Variants in PCDHGA1 observed in about 807,000 individuals in gnomAD.
PCDHGA1 encodes protocadherin gamma-A1.
In PCDHGA1, 32 loss-of-function variants were observed where a neutral mutation model predicts 58.0. The ratio of observed to expected loss-of-function variants is 0.55; its 90% CI spans 0.42 to 0.74. The LOEUF is 0.74. Among genes scored for constraint, PCDHGA1 ranks in the 30% least tolerant of loss-of-function variants. PCDHGA1 has a pLI of 0.00. For synonymous variants in PCDHGA1, 498 were observed against 501.1 expected, an observed-to-expected ratio of 0.99 and a Z score of 0.08; for missense variants, 1,205 against 1,182.3, an observed-to-expected ratio of 1.02 and a Z score of -0.28.
At chr5:141,370,622 C>G in intron 1 of PCDHGA1, 1 of 1,613,902 alleles carries the variant, frequency 6.2e-7, no homozygotes, top group South Asian at 1.1e-5. Context: ...AATTCTTTAC[C>G]GTGAGCCCCG....
intron 1 of PCDHGA1, among the ~76,000 whole-genome samples, chr5:141,363,263 C>G (rs933065042): frequency 5.9e-5 from 9 of 152,160 alleles, no homozygotes; most frequent in African/African-American, 2.2e-4. Flanking sequence ...TTACTTAAAA[C>G]TTTGCTTTTG....
chr5:141,466,020 G>A (rs973577698), intron 1 of PCDHGA1, among the ~76,000 whole-genome samples: 2 of 151,974 alleles, frequency 1.3e-5, no homozygotes, highest in South Asian at 4.1e-4. Context: ...TACTCGGGAG[G>A]GTGAGGCAGG....
intron 2 of PCDHGA1, among the ~76,000 whole-genome samples, chr5:141,496,467 TC>T (rs1289225541): frequency 1.3e-5 from 2 of 152,176 alleles, no homozygotes; most frequent in Admixed American, 1.3e-4. Flanking sequence ...GAGTTATCTT[TC>T]CCCCATCCTG....
intron 1 of PCDHGA1, among the ~76,000 whole-genome samples, chr5:141,463,618 T>G (rs2099065558): frequency 6.6e-6 from 1 of 151,792 alleles, no homozygotes; most frequent in African/African-American, 2.4e-5. Context: ...CCGGCTAATT[T>G]TTTGTATTTT....
intron 2 of PCDHGA1, among the ~76,000 whole-genome samples, chr5:141,498,352 CA>C: frequency 6.6e-6 from 1 of 151,890 alleles, no homozygotes; most frequent in African/African-American, 2.4e-5. Flanking sequence ...AAAGCCTATG[CA>C]AAAGCCTTGT....
chr5:141,467,625 T>C (rs1407031447), intron 1 of PCDHGA1, among the ~76,000 whole-genome samples: 1 of 152,202 alleles, frequency 6.6e-6, no homozygotes, highest in African/African-American at 2.4e-5. Flanking sequence ...TGATTTGAGA[T>C]AGCATCTTTA....
chr5:141,349,975 A>G (rs1235992269), intron 1 of PCDHGA1: 1 of 290,620 alleles, frequency 3.4e-6, no homozygotes, highest in Non-Finnish European at 6.3e-6. Context: ...ACATAGATTC[A>G]AGAGGTTGCG....
chr5:141,491,954 C>CA lies in PCDHGA1; in HGVS notation c.2422-2847dup. 1 of 1,032,920 alleles carries CA rather than the reference C, an allele frequency of 9.7e-7. No homozygotes were observed. Among genetic ancestry groups the CA allele is most frequent in the Non-Finnish European group, 1.3e-6 (1 of 747,262 alleles). 64.0% of individuals were successfully genotyped at this position (1,032,920 alleles called of 1,614,324 possible). A position where few individuals can be genotyped will look rare whatever the true frequency, so the allele number is the denominator to read the frequency against. ...TGGGACCGACCCCCACCCCTACACTCAAAAAAGGCCGGGGCCTCCTTCGAG... is the reference window on the plus strand; with the variant it reads ...TGGGACCGACCCCCACCCCTACACTCAAAAAAAGGCCGGGGCCTCCTTCGAG... On this transcript the variant is annotated intron_variant, in intron 1 of 3. Coordinates refer to ENST00000517417, the MANE Select transcript of PCDHGA1 (RefSeq NM_018912.3). This position sits in a 1 kb window ranked among gnomAD's most constrained non-coding sequence, Gnocchi z 6.9.
At chr5:141,473,033 G>GGAAA (rs1282468299) in intron 1 of PCDHGA1, among the ~76,000 whole-genome samples, 1 of 146,284 alleles carries the variant, frequency 6.8e-6, no homozygotes, top group African/African-American at 2.5e-5. Flanking sequence ...AAGGAAGGAA[G>GGAAA]GAAAGAAAGA....
chr5:141,414,078 T>C lies in PCDHGA1; in HGVS notation c.2422-80729T>C, dbSNP rs777190406. 3.1e-6 allele frequency: 5 copies of C among 1,603,326 alleles called. No individual in the cohort carries two copies. In the South Asian group the frequency reaches 4.5e-5, roughly 14 times the overall value. ...TGTTGAAGTTCCAACTAAACAAATA[T>C]ACTGGAGAAATAAAAATATCAGAAA... On this transcript the variant is annotated intron_variant, in intron 1 of 3. Transcript: ENST00000517417.
At chr5:141,361,167 A>C in intron 1 of PCDHGA1, 1 of 1,613,990 alleles carries the variant, frequency 6.2e-7, no homozygotes, top group South Asian at 1.1e-5. Context: ...ACGATTGTGC[A>C]CCTGAAGTTA....
At chr5:141,502,866 C>CTTTTTTTTTTTTTTTT (rs549047197) in intron 2 of PCDHGA1, among the ~76,000 whole-genome samples, 4 of 128,044 alleles carry the variant, frequency 3.1e-5, no homozygotes, top group African/African-American at 3.1e-5. Context: ...GACTCTCTGT[C>CTTTTTTTTTTTTTTTT]TTTTTTTTTT....
intron 1 of PCDHGA1, chr5:141,365,243 C>T: frequency 6.2e-7 from 1 of 1,613,982 alleles, no homozygotes; most frequent in Non-Finnish European, 8.5e-7. Context: ...CTCAACTCTA[C>T]AATCACTGGA....
rs188768340 is a variant in PCDHGA1, at chr5:141,382,953, C to G, written c.2421+49848C>G. On this transcript the variant is annotated intron_variant, in intron 1 of 3. Transcript: ENST00000517417. ...ACAGAGGATTCTTCCTGCTCTCCAT[C>G]CTCCTGGGGACCCCCTGGGAAGCCT... 1,258 of 1,601,498 alleles carry G rather than the reference C, an allele frequency of 7.9e-4. 16 individuals carry two copies. In the African/African-American group the frequency reaches 0.015, roughly 19 times the overall value.
intron 1 of PCDHGA1, chr5:141,398,674 A>T: frequency 6.2e-7 from 1 of 1,614,010 alleles, no homozygotes; most frequent in Non-Finnish European, 8.5e-7. Context: ...ATTAATAATT[A>T]AGGAGAAACA....
At position 141,476,321 on chromosome 5, in the gene PCDHGA1, G is replaced by A; in HGVS notation, c.2422-18486G>A. 1 of 1,614,196 alleles carries A rather than the reference G, an allele frequency of 6.2e-7. No homozygotes were observed. The highest frequency in any genetic ancestry group is 1.3e-5 in the African/African-American group (1 of 75,054). ...CCTCTCAGCCCGCAGGTTCCGGGTG[G>A]TGTCTGGAGCTAGCCGAAGATTCTT... On this transcript the variant is annotated intron_variant, in intron 1 of 3. Coordinates refer to ENST00000517417, the MANE Select transcript of PCDHGA1 (RefSeq NM_018912.3). The surrounding 1 kb of genome is among the most constrained non-coding windows in gnomAD (Gnocchi z 7.6).
At chr5:141,335,077 G>A (rs1235659856) in intron 1 of PCDHGA1, among the ~76,000 whole-genome samples, 2 of 152,118 alleles carry the variant, frequency 1.3e-5, no homozygotes, top group Non-Finnish European at 2.9e-5. Context: ...AACTATTGAA[G>A]ACTTTCTCTC....
At chr5:141,350,905 G>C in intron 1 of PCDHGA1, 2 of 1,614,058 alleles carry the variant, frequency 1.2e-6, no homozygotes, top group Non-Finnish European at 1.7e-6. Flanking sequence ...TGGATGGCGG[G>C]GACCCGCCTC....
chr5:141,409,480 C>A, intron 1 of PCDHGA1: 1 of 1,614,002 alleles, frequency 6.2e-7, no homozygotes, highest in Non-Finnish European at 8.5e-7. Flanking sequence ...TAGCCACTGA[C>A]AGGGGCAAGC....
Sources: gnomAD v4.1 joint callset for allele counts (sites outside exome capture counted in the v4.1 genomes callset) on GRCh38, gnomAD v4.1.1 for gene constraint, Gnocchi (gnomAD v3.1) non-coding constraint, MANE v1.5 for transcripts, NCBI Gene and HGNC (gene_info 2026-07-23, HGNC 2026-07-21) for gene names.